RORA: variants seen among roughly 807,000 people sequenced by gnomAD.
The protein encoded by RORA is RAR related orphan receptor A.
A neutral mutation model predicts 69.5 loss-of-function variants in RORA; 7 were observed. The observed-to-expected ratio is 0.10, with a 90% CI of 0.06 to 0.19. The LOEUF is 0.19. Among genes scored for constraint, RORA ranks in the 10% least tolerant of loss-of-function variants. The probability of loss-of-function intolerance (pLI) is 1.00; values close to 1 mark genes in which losing one functional copy is unlikely to be tolerated. For missense variants in RORA, 457 were observed against 663.0 expected (o/e 0.69, Z 3.41); for synonymous variants, 261 against 240.8 (o/e 1.08, Z -0.78).
At chr15:60,994,054 C>T (rs1894460039) in intron 1 of RORA, among the ~76,000 whole-genome samples, 1 of 152,206 alleles carries the variant, frequency 6.6e-6, no homozygotes, top group Non-Finnish European at 1.5e-5. Flanking sequence ...TTGGGTTCAT[C>T]ATGAAATGAG....
chr15:61,072,718 G>GA (rs1161919110), intron 1 of RORA, among the ~76,000 whole-genome samples: 14 of 152,120 alleles, frequency 9.2e-5, no homozygotes, highest in Admixed American at 5.2e-4. Flanking sequence ...CCTACTCCCA[G>GA]AAAAAATATT....
intron 10 of RORA, among the ~76,000 whole-genome samples, chr15:60,499,127 C>A (rs1385379487): frequency 6.6e-6 from 1 of 152,012 alleles, no homozygotes; most frequent in African/African-American, 2.4e-5. Context: ...GACAAAAATG[C>A]AAAAGTCATT....
chr15:60,528,582 T>G (rs1292466650), intron 3 of RORA: 1 of 152,182 alleles, frequency 6.6e-6, no homozygotes, highest in African/African-American at 2.4e-5. Context: ...ATTGGCAGAT[T>G]CTACATAACA....
At chr15:61,016,003 G>A (rs971943675) in intron 1 of RORA, among the ~76,000 whole-genome samples, 2 of 152,160 alleles carry the variant, frequency 1.3e-5, no homozygotes, top group Non-Finnish European at 2.9e-5. Flanking sequence ...TCATGATATC[G>A]GAGAGATGAC....
At chr15:61,214,766 T>C (rs997241333) in intron 1 of RORA, among the ~76,000 whole-genome samples, 4 of 152,044 alleles carry the variant, frequency 2.6e-5, no homozygotes, top group Admixed American at 2.0e-4. Flanking sequence ...TGAAAACTCC[T>C]GGACAATTAC....
chr15:60,813,600 C>T (rs890163731), intron 1 of RORA, among the ~76,000 whole-genome samples: 8 of 152,150 alleles, frequency 5.3e-5, no homozygotes, highest in African/African-American at 1.9e-4. Context: ...TCCCATCAGC[C>T]TGCCATTGAA....
intron 1 of RORA, among the ~76,000 whole-genome samples, chr15:61,093,645 G>C (rs2078744252): frequency 6.6e-6 from 1 of 152,206 alleles, no homozygotes; most frequent in African/African-American, 2.4e-5. Flanking sequence ...GACTTCTATA[G>C]AATTGCTCTT....
At chr15:60,774,851 T>G (rs183492215) in intron 1 of RORA, among the ~76,000 whole-genome samples, 9 of 152,360 alleles carry the variant, frequency 5.9e-5, no homozygotes, top group African/African-American at 2.2e-4. Context: ...ACCATGTTCC[T>G]TAGATTCTAT....
At chr15:60,771,144 G>T (rs1450137518) in intron 1 of RORA, among the ~76,000 whole-genome samples, 2 of 151,846 alleles carry the variant, frequency 1.3e-5, no homozygotes, top group Admixed American at 1.3e-4. Context: ...CCCATAGACT[G>T]ACTCTCTTTT....
intron 1 of RORA, among the ~76,000 whole-genome samples, chr15:60,745,808 C>A (rs1488783324): frequency 1.3e-5 from 2 of 152,158 alleles, no homozygotes; most frequent in African/African-American, 4.8e-5. Context: ...CAGAGGCAGC[C>A]AAAAACTGAT....
intron 2 of RORA, among the ~76,000 whole-genome samples, chr15:60,599,442 T>C (rs2068765412): frequency 6.6e-6 from 1 of 152,134 alleles, no homozygotes; most frequent in Non-Finnish European, 1.5e-5. Context: ...TCTCAGCTAC[T>C]TGGGAGGCTG....
chr15:61,138,883 A>C (rs946812581), intron 1 of RORA, among the ~76,000 whole-genome samples: 11 of 152,192 alleles, frequency 7.2e-5, no homozygotes, highest in Admixed American at 5.9e-4. Flanking sequence ...CAGTGGCTCA[A>C]GCCTGTAATC....
At chr15:60,634,729 A>C (rs1339155108) in intron 2 of RORA, among the ~76,000 whole-genome samples, 3 of 151,396 alleles carry the variant, frequency 2.0e-5, no homozygotes, top group African/African-American at 7.3e-5. Flanking sequence ...CAAAACCCCA[A>C]CTCTCCTGTA....
intron 2 of RORA, among the ~76,000 whole-genome samples, chr15:60,632,575 GT>G (rs1464478737): frequency 1.2e-4 from 18 of 152,146 alleles, no homozygotes; most frequent in Non-Finnish European, 2.2e-4. Context: ...TCGACACTGA[GT>G]CCATTAACCA....
chr15:60,512,896 C>T (rs1485451047), intron 4 of RORA, among the ~76,000 whole-genome samples: 1 of 152,326 alleles, frequency 6.6e-6, no homozygotes, highest in East Asian at 1.9e-4. Flanking sequence ...CTGAATTCTT[C>T]CATGAACTCA....
At chr15:60,688,837 C>T (rs2070782946) in intron 1 of RORA, among the ~76,000 whole-genome samples, 1 of 152,194 alleles carries the variant, frequency 6.6e-6, no homozygotes, top group Non-Finnish European at 1.5e-5. Context: ...CTTTAGCTAC[C>T]ACACAGGTGT....
At chr15:60,768,687 T>C (rs550718670) in intron 1 of RORA, among the ~76,000 whole-genome samples, 1 of 152,136 alleles carries the variant, frequency 6.6e-6, no homozygotes, top group East Asian at 1.9e-4. Flanking sequence ...GAATCATAAG[T>C]GGTAAAATTA....
chr15:60,926,580 G>A (rs1231310503), intron 1 of RORA, among the ~76,000 whole-genome samples: 1 of 152,198 alleles, frequency 6.6e-6, no homozygotes, highest in Non-Finnish European at 1.5e-5. Flanking sequence ...ACTTTAAAAT[G>A]TGCATATACT....
intron 2 of RORA, chr15:60,556,936 G>A (rs1567084692): frequency 6.2e-7 from 1 of 1,609,172 alleles, no homozygotes; most frequent in Non-Finnish European, 8.5e-7. Flanking sequence ...ACACTTGTTT[G>A]TCCACCCCAA....
Sources: allele counts gnomAD v4.1 joint callset (sites outside exome capture counted in the v4.1 genomes callset), GRCh38; gene constraint gnomAD v4.1.1; transcripts MANE v1.5; gene names NCBI Gene and HGNC (gene_info 2026-07-23, HGNC 2026-07-21).